Variants in RALA observed in about 807,000 individuals in gnomAD.
RALA encodes ras-related protein Ral-A.
A neutral mutation model predicts 24.0 loss-of-function variants in RALA; 5 were observed. The observed-to-expected ratio is 0.21, with a 90% CI of 0.11 to 0.44. RALA has a LOEUF of 0.44. Among genes scored for constraint, RALA ranks in the 20% least tolerant of loss-of-function variants. The pLI is 0.99. For missense variants in RALA, 95 were observed against 241.2 expected, an observed-to-expected ratio of 0.39 and a Z score of 4.01; for synonymous variants, 77 against 83.8, an observed-to-expected ratio of 0.92 and a Z score of 0.44.
chr7:39,695,205 A>C (rs187952302), intron 3 of RALA, among the ~76,000 whole-genome samples: 7 of 152,076 alleles, frequency 4.6e-5, no homozygotes, highest in Admixed American at 4.6e-4. Context: ...TGGTTCCAGG[A>C]CTCCTTATGG....
chr7:39,699,762 A>G (rs1792990388), intron 4 of RALA, among the ~76,000 whole-genome samples: 1 of 152,230 alleles, frequency 6.6e-6, no homozygotes, highest in African/African-American at 2.4e-5. Flanking sequence ...AGACTCTGGT[A>G]CCTGTGGTTG....
intron 1 of RALA, among the ~76,000 whole-genome samples, chr7:39,647,147 A>T (rs1047471151): frequency 3.3e-5 from 5 of 152,154 alleles, no homozygotes; most frequent in African/African-American, 1.2e-4. Context: ...GGCTCGAGCA[A>T]TCCTCCCACC....
At chr7:39,664,999 C>T (rs754548545) in intron 1 of RALA, among the ~76,000 whole-genome samples, 2 of 152,152 alleles carry the variant, frequency 1.3e-5, no homozygotes, top group Non-Finnish European at 2.9e-5. Flanking sequence ...ATAGACTCTT[C>T]CGTGATACAA....
At chr7:39,643,074 A>G (rs1353916497) in intron 1 of RALA, among the ~76,000 whole-genome samples, 1 of 152,192 alleles carries the variant, frequency 6.6e-6, no homozygotes, top group East Asian at 1.9e-4. Flanking sequence ...CCATGCCCTG[A>G]CCTAAGCAAT....
At chr7:39,654,428 A>G (rs537799287) in intron 1 of RALA, among the ~76,000 whole-genome samples, 3 of 152,200 alleles carry the variant, frequency 2.0e-5, no homozygotes, top group Non-Finnish European at 4.4e-5. Context: ...AGTGAGCCAA[A>G]TCTGCCTCTT....
At chr7:39,665,001 G>T (rs1157738848) in intron 1 of RALA, among the ~76,000 whole-genome samples, 1 of 152,150 alleles carries the variant, frequency 6.6e-6, no homozygotes, top group African/African-American at 2.4e-5. Context: ...AGACTCTTCC[G>T]TGATACAAGC....
intron 4 of RALA, among the ~76,000 whole-genome samples, chr7:39,705,147 A>C (rs933396585): frequency 1.3e-5 from 2 of 152,008 alleles, no homozygotes; most frequent in African/African-American, 4.8e-5. Context: ...AGGGCGAACA[A>C]ATCCATGTAT....
chr7:39,660,124 T>A (rs1237588531), intron 1 of RALA, among the ~76,000 whole-genome samples: 1 of 152,018 alleles, frequency 6.6e-6, no homozygotes, highest in Non-Finnish European at 1.5e-5. Context: ...GGCAGGCAGA[T>A]CACAAGGTCA....
At chr7:39,630,024 G>A (rs969552265) in intron 1 of RALA, among the ~76,000 whole-genome samples, 5 of 151,498 alleles carry the variant, frequency 3.3e-5, no homozygotes, top group South Asian at 2.1e-4. Context: ...CCACCATGCC[G>A]AGCTTTCTTT....
chr7:39,680,405 A>AAT (rs10540439), intron 1 of RALA, among the ~76,000 whole-genome samples: 1,906 of 147,764 alleles, frequency 0.013, 28 homozygotes, highest in African/African-American at 0.037. Flanking sequence ...AAAAAACACA[A>AAT]ATATATATAT....
At position 39,661,268 on chromosome 7, in the gene RALA, CT is replaced by C. The variant is rs374858553; in HGVS notation, c.-37-25362del. Among the ~76,000 whole-genome samples the C allele has an allele frequency of 1.5e-4, 23 of 152,318 alleles. No homozygotes were observed. The East Asian group carries it at 3.9e-3, about 26-fold the overall frequency. On this transcript the variant is annotated intron_variant, in intron 1 of 4. Transcript: ENST00000005257. ...ACAACCAAACCATGTCATTCTGCCC[CT>C]GGCCCCTCCCAAATCTCATGTCCTC...
intron 3 of RALA, among the ~76,000 whole-genome samples, chr7:39,691,119 T>C (rs550247845): frequency 6.6e-6 from 1 of 152,288 alleles, no homozygotes; most frequent in South Asian, 2.1e-4. Flanking sequence ...AATATCTCTG[T>C]AGATGGGCAC....
intron 1 of RALA, among the ~76,000 whole-genome samples, chr7:39,648,222 G>T (rs1351883474): frequency 1.3e-5 from 2 of 152,178 alleles, no homozygotes; most frequent in Non-Finnish European, 2.9e-5. Flanking sequence ...GTCTTCAGAG[G>T]TTTGTAGTGG....
intron 1 of RALA, among the ~76,000 whole-genome samples, chr7:39,644,503 A>G (rs556859476): frequency 6.6e-6 from 1 of 152,336 alleles, no homozygotes; most frequent in South Asian, 2.1e-4. Flanking sequence ...TCATATAAAT[A>G]TGTATGTGAA....
chr7:39,641,667 TTAAG>T (rs1382982181), intron 1 of RALA, among the ~76,000 whole-genome samples: 1 of 152,222 alleles, frequency 6.6e-6, no homozygotes, highest in African/African-American at 2.4e-5. Context: ...GATTTTTGTT[TTAAG>T]TAAGGATAAT....
intron 1 of RALA, among the ~76,000 whole-genome samples, chr7:39,643,559 A>T (rs1791858576): frequency 6.6e-6 from 1 of 152,122 alleles, no homozygotes; most frequent in Non-Finnish European, 1.5e-5. Flanking sequence ...CCTCTCTACT[A>T]AAAATACAAA....
At chr7:39,705,206 T>C (rs1793097311) in intron 4 of RALA, among the ~76,000 whole-genome samples, 1 of 152,230 alleles carries the variant, frequency 6.6e-6, no homozygotes, top group African/African-American at 2.4e-5. Flanking sequence ...TGCTATTCTG[T>C]GCCTTGCTTT....
At chr7:39,677,297 A>T (rs564947906) in intron 1 of RALA, among the ~76,000 whole-genome samples, 1 of 151,960 alleles carries the variant, frequency 6.6e-6, no homozygotes, top group East Asian at 1.9e-4. Context: ...GAGTGAGAAT[A>T]TGCGGTGTTT....
At chr7:39,684,119 T>C (rs1380636352) in intron 1 of RALA, among the ~76,000 whole-genome samples, 1 of 152,202 alleles carries the variant, frequency 6.6e-6, no homozygotes, top group Non-Finnish European at 1.5e-5. Flanking sequence ...TTCACTGTTT[T>C]TGAGCAGTGA....
Sources: allele counts gnomAD v4.1 joint callset (sites outside exome capture counted in the v4.1 genomes callset), GRCh38; gene constraint gnomAD v4.1.1; transcripts MANE v1.5; gene names NCBI Gene and HGNC (gene_info 2026-07-23, HGNC 2026-07-21).